Variants in FGF1 observed in about 807,000 individuals in gnomAD.
The protein encoded by FGF1 is fibroblast growth factor 1.
Under a neutral mutation model 13.4 loss-of-function variants are expected in FGF1, and 9 were observed. That is an observed-to-expected ratio of 0.67 (90% CI 0.40 to 1.17). The LOEUF (loss-of-function observed/expected upper bound fraction) is 1.17. Among genes scored for constraint, FGF1 ranks in the 50% most tolerant of loss-of-function variants. The pLI, the probability that FGF1 is intolerant of heterozygous loss-of-function variation, is 0.01. For missense variants in FGF1, 156 were observed against 192.7 expected (o/e 0.81, Z 1.13); for synonymous variants, 93 against 79.0 (o/e 1.18, Z -0.94).
intron 2 of FGF1, among the ~76,000 whole-genome samples, chr5:142,695,597 AAAAG>A (rs1752989621): frequency 6.6e-6 from 1 of 151,708 alleles, no homozygotes; most frequent in Non-Finnish European, 1.5e-5. Context: ...GAAAAAAAAA[AAAAG>A]AAAGAAAAAG....
At chr5:142,629,606 A>G (rs1433763661) in intron 1 of FGF1, among the ~76,000 whole-genome samples, 1 of 152,020 alleles carries the variant, frequency 6.6e-6, no homozygotes, top group Non-Finnish European at 1.5e-5. Context: ...TTTCATGACA[A>G]TTATGATAAT....
intron 1 of FGF1, among the ~76,000 whole-genome samples, chr5:142,666,047 C>A (rs775414278): frequency 1.3e-5 from 2 of 152,094 alleles, no homozygotes; most frequent in Non-Finnish European, 2.9e-5. Flanking sequence ...AAAACCCAGA[C>A]TTTTGCCTGC....
chr5:142,606,218 C>CTCTGTGTGTGTGTGTGTGTG (rs151219206), intron 2 of FGF1, among the ~76,000 whole-genome samples: 1 of 143,068 alleles, frequency 7.0e-6, no homozygotes, highest in Non-Finnish European at 1.5e-5. Context: ...CTTTCTCTCT[C>CTCTGTGTGTGTGTGTGTGTG]TGTGTGTGTG....
chr5:142,652,785 G>T (rs34968183), intron 1 of FGF1, among the ~76,000 whole-genome samples: 1 of 152,166 alleles, frequency 6.6e-6, no homozygotes, highest in African/African-American at 2.4e-5. Context: ...TCATCACCTC[G>T]TCATAGTGCA....
At chr5:142,629,895 A>T (rs55792803) in intron 1 of FGF1, among the ~76,000 whole-genome samples, 25,914 of 127,634 alleles carry the variant, frequency 0.2, 3,031 homozygotes, top group Non-Finnish European at 0.28. Context: ...ATATATATAT[A>T]TTTTTTTTTT....
At chr5:142,672,640 G>A (rs187116228) in intron 1 of FGF1, among the ~76,000 whole-genome samples, 1 of 152,028 alleles carries the variant, frequency 6.6e-6, no homozygotes, top group Non-Finnish European at 1.5e-5. Flanking sequence ...AAGTAGCTGG[G>A]ATTACAGGCA....
At chr5:142,691,815 G>A (rs1191479382) in intron 2 of FGF1, among the ~76,000 whole-genome samples, 2 of 152,116 alleles carry the variant, frequency 1.3e-5, no homozygotes, top group African/African-American at 4.8e-5. Flanking sequence ...GCATATAGTG[G>A]GTGTTGCATA....
intron 1 of FGF1, among the ~76,000 whole-genome samples, chr5:142,670,435 C>G (rs1485558132): frequency 6.6e-6 from 1 of 152,208 alleles, no homozygotes; most frequent in Admixed American, 6.5e-5. Flanking sequence ...ACTGCAAAGC[C>G]TTCCTTGGTC....
intron 2 of FGF1, among the ~76,000 whole-genome samples, chr5:142,691,977 CA>C (rs1340305982): frequency 6.6e-6 from 1 of 152,128 alleles, no homozygotes; most frequent in Non-Finnish European, 1.5e-5. Context: ...AGGAAGGCCC[CA>C]AGTTTTGTCA....
At chr5:142,683,562 C>T (rs1774116021) in intron 1 of FGF1, among the ~76,000 whole-genome samples, 1 of 152,120 alleles carries the variant, frequency 6.6e-6, no homozygotes. Context: ...TGCAGTGGCT[C>T]ACACCTGTAA....
chr5:142,646,175 C>T (rs1319798913), intron 1 of FGF1, among the ~76,000 whole-genome samples: 1 of 139,968 alleles, frequency 7.1e-6, no homozygotes, highest in Non-Finnish European at 1.5e-5. Flanking sequence ...TCCCAAAGTG[C>T]TGGGATTACA....
At chr5:142,665,356 C>G (rs1057273226) in intron 1 of FGF1, among the ~76,000 whole-genome samples, 2 of 151,960 alleles carry the variant, frequency 1.3e-5, no homozygotes, top group Non-Finnish European at 2.9e-5. Flanking sequence ...CTGTCCCACT[C>G]CCCTCCTCAG....
intron 2 of FGF1, among the ~76,000 whole-genome samples, chr5:142,608,771 T>A (rs1255168104): frequency 7.6e-6 from 1 of 131,390 alleles, no homozygotes; most frequent in Non-Finnish European, 1.6e-5. Flanking sequence ...ATATATATCA[T>A]ATATATATAG....
At chr5:142,631,368 TAA>T (rs878972669) in intron 1 of FGF1, among the ~76,000 whole-genome samples, 7 of 152,314 alleles carry the variant, frequency 4.6e-5, no homozygotes, top group Admixed American at 4.6e-4. Context: ...AAAACACTTA[TAA>T]AAATAGACCG....
upstream of FGF1, among the ~76,000 whole-genome samples, chr5:142,686,746 C>T (rs1168136176): frequency 6.6e-6 from 1 of 152,236 alleles, no homozygotes; most frequent in Non-Finnish European, 1.5e-5. Flanking sequence ...CGAAGTCAAT[C>T]GAGGCAAAAG....
chr5:142,609,711 C>T lies in FGF1; in HGVS notation c.169+4248G>A, dbSNP rs948175358. Among the ~76,000 whole-genome samples, 3 of 152,312 alleles carry T rather than the reference C, an allele frequency of 2.0e-5. No individual in the cohort carries two copies. The South Asian group carries it at 6.2e-4, about 32-fold the overall frequency. On this transcript the variant is annotated intron_variant, in intron 2 of 3. Transcript: ENST00000337706. ...TTAGGTGAGGAAGGCTCAGGAATCC[C>T]GGAAGAATGATGATCAATACCATTT...
chr5:142,613,343 G>C (rs1222285673), intron 2 of FGF1, among the ~76,000 whole-genome samples: 1 of 152,262 alleles, frequency 6.6e-6, no homozygotes, highest in Non-Finnish European at 1.5e-5. Context: ...TCCTGGAAGA[G>C]ATATTCAGCA....
chr5:142,663,249 GAAA>G (rs60474431), intron 1 of FGF1, among the ~76,000 whole-genome samples: 9 of 138,654 alleles, frequency 6.5e-5, no homozygotes, highest in Non-Finnish European at 1.4e-4. Flanking sequence ...AATCAGGAAA[GAAA>G]AAAAAAAAAA....
At chr5:142,606,212 C>CTGTGTGTGTGTGTGTGTG (rs1430289422) in intron 2 of FGF1, among the ~76,000 whole-genome samples, 6 of 60,052 alleles carry the variant, frequency 1.0e-4, no homozygotes, top group African/African-American at 4.5e-4. Context: ...AACATTCTTT[C>CTGTGTGTGTGTGTGTGTG]TCTCTCTGTG....
Sources: gnomAD v4.1 joint callset for allele counts (sites outside exome capture counted in the v4.1 genomes callset) on GRCh38, gnomAD v4.1.1 for gene constraint, MANE v1.5 for transcripts, NCBI Gene and HGNC (gene_info 2026-07-23, HGNC 2026-07-21) for gene names.